The following MTUS2 variants were observed in gnomAD, a reference collection of about 807,000 sequenced individuals.
MTUS2 encodes the protein microtubule associated scaffold protein 2.
MTUS2 carries 40 observed loss-of-function variants against 114.1 expected under a neutral mutation model. The observed-to-expected ratio is 0.35, with a 90% CI of 0.27 to 0.46. The LOEUF (loss-of-function observed/expected upper bound fraction) is 0.46, where lower values mean the gene tolerates loss of function less well. Among genes scored for constraint, MTUS2 ranks in the 20% least tolerant of loss-of-function variants. The probability of loss-of-function intolerance (pLI) is 1.00; values close to 1 mark genes in which losing one functional copy is unlikely to be tolerated. For missense variants in MTUS2, 1,679 were observed against 1,705.4 expected, an observed-to-expected ratio of 0.98 and a Z score of 0.27; for synonymous variants, 688 against 672.0, an observed-to-expected ratio of 1.02 and a Z score of -0.37.
At chr13:29,232,504 A>G (rs906496420) in intron 5 of MTUS2, among the ~76,000 whole-genome samples, 3 of 152,102 alleles carry the variant, frequency 2.0e-5, no homozygotes, top group Admixed American at 6.5e-5. Flanking sequence ...TGGACTCCCG[A>G]CTCCGAGTTC....
At chr13:29,001,747 G>T (rs1262234553) in intron 2 of MTUS2, among the ~76,000 whole-genome samples, 2 of 152,164 alleles carry the variant, frequency 1.3e-5, no homozygotes, top group Non-Finnish European at 1.5e-5. Flanking sequence ...TTAAGGTAAG[G>T]ATATTGAGTT....
intron 2 of MTUS2, among the ~76,000 whole-genome samples, chr13:28,932,504 G>A (rs1407989428): frequency 1.1e-4 from 16 of 152,088 alleles, no homozygotes. Context: ...GTAAGAGGAG[G>A]CTTGATTCTA....
At chr13:28,839,035 G>A (rs1193234345) in intron 1 of MTUS2, among the ~76,000 whole-genome samples, 2 of 151,314 alleles carry the variant, frequency 1.3e-5, no homozygotes, top group African/African-American at 4.9e-5. Context: ...TTATGAAATT[G>A]CGATATGTGT....
chr13:29,294,396 G>A lies in MTUS2; in HGVS notation c.2806+12531G>A, dbSNP rs201215647. Reference sequence around the variant, plus strand: ...TTAACCATAGTTTGGAGAACTGCTTGTCTCCTGTTCATTTAGGTTGCTTTC... The same window carrying A: ...TTAACCATAGTTTGGAGAACTGCTTATCTCCTGTTCATTTAGGTTGCTTTC... On this transcript the variant is annotated intron_variant, in intron 6 of 15. Coordinates refer to ENST00000612955, the MANE Select transcript of MTUS2 (RefSeq NM_001033602.4). Among the ~76,000 whole-genome samples the A allele has an allele frequency of 6.6e-5, 10 of 152,258 alleles. No homozygotes were observed. The East Asian group carries it at 1.9e-3, about 29-fold the overall frequency.
intron 2 of MTUS2, among the ~76,000 whole-genome samples, chr13:28,930,302 C>G (rs1376517176): frequency 6.6e-6 from 1 of 152,198 alleles, no homozygotes; most frequent in East Asian, 1.9e-4. Flanking sequence ...CTCGAGGCAG[C>G]TCTCCTACCA....
chr13:29,448,753 C>CTTTTT lies in MTUS2; in HGVS notation c.3184+8720_3184+8724dup, dbSNP rs71090255. Among the ~76,000 whole-genome samples the CTTTTT allele has an allele frequency of 4.5e-3, 515 of 115,562 alleles. 19 individuals are homozygous for CTTTTT. Among genetic ancestry groups the CTTTTT allele is most frequent in the African/African-American group, 0.017 (482 of 28,834 alleles). The allele number at this position is 115,562 out of a possible 152,430, so 75.8% of individuals were successfully genotyped here. A position where few individuals can be genotyped will look rare whatever the true frequency, so the allele number is the denominator to read the frequency against. The stretch of plus-strand genomic sequence containing the variant: ...AAATACAGTTGAAAAACAGAGTGCT[C>CTTTTT]TTTTTTTTTTTTTTTTTTTTAAGAT... On this transcript the variant is annotated intron_variant, in intron 9 of 15. Transcript: ENST00000612955.
chr13:29,500,802 C>G (rs1012560288), intron 14 of MTUS2, among the ~76,000 whole-genome samples: 2 of 150,176 alleles, frequency 1.3e-5, no homozygotes, highest in Admixed American at 1.3e-4. Context: ...AACACACACA[C>G]ACACACACAC....
chr13:29,054,149 A>G (rs1157343892), intron 4 of MTUS2, among the ~76,000 whole-genome samples: 2 of 152,100 alleles, frequency 1.3e-5, no homozygotes, highest in Non-Finnish European at 2.9e-5. Context: ...TTTAATTTGC[A>G]TTTCTCTGAT....
rs527919017 is a variant in MTUS2, at chr13:29,170,470, C to T, written c.2644+69500C>T. 4.6e-5 allele frequency among the ~76,000 whole-genome samples: 7 copies of T among 152,286 alleles called. No homozygotes were observed. In the South Asian group the frequency reaches 8.3e-4, roughly 18 times the overall value. On this transcript the variant is annotated intron_variant, in intron 5 of 15. Transcript: ENST00000612955. ...ATTAGCACTTCTGATAAAAAGGCCA[C>T]GTCTGCTTCTAAGAGAGCTGTGGGG...
intron 9 of MTUS2, among the ~76,000 whole-genome samples, chr13:29,450,333 C>G (rs1878597866): frequency 6.6e-6 from 1 of 152,060 alleles, no homozygotes. Context: ...TGTCATAGGT[C>G]CTCAATTGCC....
chr13:29,097,604 T>C (rs530227086), intron 4 of MTUS2, among the ~76,000 whole-genome samples: 15 of 152,304 alleles, frequency 9.8e-5, no homozygotes, highest in African/African-American at 2.9e-4. Flanking sequence ...CCATAGACAG[T>C]GTAGCGTATA....
intron 2 of MTUS2, among the ~76,000 whole-genome samples, chr13:28,992,300 T>C (rs1451144444): frequency 2.6e-5 from 4 of 152,134 alleles, no homozygotes; most frequent in African/African-American, 9.7e-5. Flanking sequence ...AAGAAAGACA[T>C]TGCTATTTCA....
In MTUS2 at chr13:28,961,734, T is replaced by C. The variant is rs575891807; in HGVS notation, c.-242-62723T>C. 7.2e-5 allele frequency among the ~76,000 whole-genome samples: 11 copies of C among 152,302 alleles called. No individual in the cohort carries two copies. The South Asian group carries it at 2.3e-3, about 32-fold the overall frequency. On this transcript the variant is annotated intron_variant, in intron 2 of 15. Coordinates refer to ENST00000612955, the MANE Select transcript of MTUS2 (RefSeq NM_001033602.4). ...CAAAACTGGGATCATCTAAGATACG[T>C]AGTTTTGCAGTGTACCTTTTCATTC...
intron 2 of MTUS2, among the ~76,000 whole-genome samples, chr13:28,945,304 A>T (rs1404727977): frequency 7.0e-6 from 1 of 142,022 alleles, no homozygotes; most frequent in East Asian, 2.1e-4. Flanking sequence ...GGTATCTTCG[A>T]TATAATGATT....
At chr13:29,458,360 A>C (rs544090279) in intron 9 of MTUS2, among the ~76,000 whole-genome samples, 6 of 152,376 alleles carry the variant, frequency 3.9e-5, no homozygotes, top group Admixed American at 2.6e-4. Flanking sequence ...TGCTGTTCTT[A>C]AGATAATTTT....
At chr13:29,494,428 T>C (rs564431940) in intron 12 of MTUS2, among the ~76,000 whole-genome samples, 1 of 152,166 alleles carries the variant, frequency 6.6e-6, no homozygotes, top group Non-Finnish European at 1.5e-5. Flanking sequence ...AAACATCAGT[T>C]TGGTATTTTA....
intron 4 of MTUS2, among the ~76,000 whole-genome samples, chr13:29,100,068 C>T (rs1890343235): frequency 6.6e-6 from 1 of 152,164 alleles, no homozygotes; most frequent in Non-Finnish European, 1.5e-5. Context: ...AGTTTGAGCA[C>T]ATATCAAGTT....
chr13:29,502,892 G>C, intron 15 of MTUS2, 101 bp from the exon 16 acceptor site: 1 of 1,164,850 alleles, frequency 8.6e-7, no homozygotes, highest in Non-Finnish European at 1.3e-6. Context: ...TTCTCCCTGC[G>C]GTCATCATGG....
At chr13:28,999,098 TC>T (rs1885261211) in intron 2 of MTUS2, among the ~76,000 whole-genome samples, 1 of 152,224 alleles carries the variant, frequency 6.6e-6, no homozygotes, top group Admixed American at 6.5e-5. Flanking sequence ...TTGTTAGTTT[TC>T]CTTCTAACAG....
Sources: allele counts gnomAD v4.1 joint callset (sites outside exome capture counted in the v4.1 genomes callset), GRCh38; gene constraint gnomAD v4.1.1; transcripts MANE v1.5; gene names NCBI Gene and HGNC (gene_info 2026-07-23, HGNC 2026-07-21).